Variants in PRKCQ observed in about 807,000 individuals in gnomAD.
The protein encoded by PRKCQ is protein kinase C theta.
In PRKCQ, 41 loss-of-function variants were observed where a neutral mutation model predicts 91.2. That is an observed-to-expected ratio of 0.45 (90% CI 0.35 to 0.58). The LOEUF (loss-of-function observed/expected upper bound fraction) is 0.58. PRKCQ is among the 20% of genes least tolerant of loss of function. The pLI is 0.00. For synonymous variants in PRKCQ, 307 were observed against 316.9 expected (o/e 0.97, Z 0.33); for missense variants, 673 against 896.5 (o/e 0.75, Z 3.18).
rs115521119 is a variant in PRKCQ at position 6,487,293 on chromosome 10, C to T, written c.791-1149G>A. Among the ~76,000 whole-genome samples the T allele has an allele frequency of 5.4e-3, 821 of 152,198 alleles. 7 individuals carry two copies. The highest frequency in any genetic ancestry group is 0.018 in the African/African-American group (768 of 41,528). On this transcript the variant is annotated intron_variant, in intron 8 of 17. Coordinates refer to ENST00000263125, the MANE Select transcript of PRKCQ (RefSeq NM_006257.5). ...CTACAACCTGTTATGAAAGGTAACT[C>T]GAAGAAAAAGAACCAAAGTTTTCTG...
At chr10:6,484,267 C>G (rs477840) in intron 10 of PRKCQ, among the ~76,000 whole-genome samples, 1 of 152,206 alleles carries the variant, frequency 6.6e-6, no homozygotes, top group Non-Finnish European at 1.5e-5. Context: ...ACAAAGAATT[C>G]GCTGGGTGCG....
intron 14 of PRKCQ, 53 bp from the exon 15 acceptor site, chr10:6,456,865 C>A: frequency 6.3e-7 from 1 of 1,585,426 alleles, no homozygotes; most frequent in Non-Finnish European, 8.6e-7. Flanking sequence ...ATTTGGTTAA[C>A]ATAAAATTCC....
chr10:6,432,713 G>A (rs1190481925), intron 16 of PRKCQ, among the ~76,000 whole-genome samples: 2 of 152,050 alleles, frequency 1.3e-5, no homozygotes, highest in East Asian at 3.9e-4. Context: ...TGACATCCTC[G>A]GGTCCTCGGC....
intron 1 of PRKCQ, among the ~76,000 whole-genome samples, chr10:6,572,876 T>C (rs1841095211): frequency 6.6e-6 from 1 of 152,220 alleles, no homozygotes; most frequent in Admixed American, 6.5e-5. Flanking sequence ...TTCCTATTTC[T>C]CTGCAACTTT....
chr10:6,510,899 T>C, intron 3 of PRKCQ, 96 bp downstream of exon 3: 1 of 1,451,124 alleles, frequency 6.9e-7, no homozygotes, highest in Non-Finnish European at 9.6e-7. Flanking sequence ...CCGAGGCCAG[T>C]GTAATCACAC....
intron 12 of PRKCQ, among the ~76,000 whole-genome samples, chr10:6,478,750 AAAAAACAG>A (rs1836411363): frequency 6.6e-6 from 1 of 152,362 alleles, no homozygotes; most frequent in African/African-American, 2.4e-5. Context: ...ACCAAATTCT[AAAAAACAG>A]GAAAACAGAC....
chr10:6,399,792 G>A, the PRKCQ span, among the ~76,000 whole-genome samples: 75 of 146,996 alleles, frequency 5.1e-4, no homozygotes, highest in South Asian at 1.0e-3. Context: ...TGATGAAAAA[G>A]TTCTCCAGGC....
chr10:6,442,234 C>A (rs975823150), intron 15 of PRKCQ, among the ~76,000 whole-genome samples, 153 bp from the exon 16 acceptor site: 2 of 152,184 alleles, frequency 1.3e-5, no homozygotes, highest in Non-Finnish European at 2.9e-5. Flanking sequence ...AAGCCAATGA[C>A]TGGAGAGCAG....
At chr10:6,440,750 A>G (rs1189768782) in intron 16 of PRKCQ, among the ~76,000 whole-genome samples, 1 of 152,180 alleles carries the variant, frequency 6.6e-6, no homozygotes, top group African/African-American at 2.4e-5. Context: ...GCACTTTGGG[A>G]GGCCGAGGCG....
At chr10:6,488,023 A>G (rs1289909400) in intron 8 of PRKCQ, among the ~76,000 whole-genome samples, 1 of 146,556 alleles carries the variant, frequency 6.8e-6, no homozygotes, top group Non-Finnish European at 1.5e-5. Flanking sequence ...AAAAAAAAAG[A>G]AACATCACCA....
At chr10:6,555,907 G>A (rs757929627) in intron 1 of PRKCQ, among the ~76,000 whole-genome samples, 2 of 152,142 alleles carry the variant, frequency 1.3e-5, no homozygotes, top group Non-Finnish European at 2.9e-5. Flanking sequence ...TACTGGGGAA[G>A]CTGATGCAGG....
At chr10:6,485,084 G>A in intron 10 of PRKCQ, 68 bp downstream of exon 10, 1 of 1,364,782 alleles carries the variant, frequency 7.3e-7, no homozygotes, top group South Asian at 1.2e-5. Context: ...TTAAATCCAA[G>A]GGCATTAGGT....
chr10:6,511,219 A>C, intron 2 of PRKCQ, 25 bp from the exon 3 acceptor site: 12 of 1,604,570 alleles, frequency 7.5e-6, no homozygotes, highest in African/African-American at 1.3e-5. Context: ...GTAAGGTCTC[A>C]TTATTCCTTC....
chr10:6,502,543 T>G (rs1375395567), intron 4 of PRKCQ, among the ~76,000 whole-genome samples: 1 of 152,180 alleles, frequency 6.6e-6, no homozygotes, highest in Admixed American at 6.5e-5. Flanking sequence ...TTTGAACACT[T>G]TCCTGCAGAC....
intron 1 of PRKCQ, among the ~76,000 whole-genome samples, chr10:6,543,286 A>G (rs1453796581): frequency 6.6e-6 from 1 of 152,258 alleles, no homozygotes; most frequent in Non-Finnish European, 1.5e-5. Flanking sequence ...CGGAGCTGAA[A>G]ACAAAATACT....
chr10:6,445,118 T>A (rs141146764), intron 15 of PRKCQ, among the ~76,000 whole-genome samples: 33,150 of 68,054 alleles, frequency 0.49, 4,696 homozygotes, highest in East Asian at 0.55. Flanking sequence ...AGCAAGACTC[T>A]GTCAAAAAAA....
intron 11 of PRKCQ, among the ~76,000 whole-genome samples, chr10:6,481,975 TCTTC>T (rs1836622372): frequency 1.3e-5 from 2 of 151,644 alleles, no homozygotes; most frequent in African/African-American, 2.4e-5. Flanking sequence ...AATTATCTCT[TCTTC>T]CTTCTTCTCA....
rs181389025 is a variant in PRKCQ at position 6,466,380 on chromosome 10, T to C, written c.1354-1976A>G. ...GGGGGGGTTGAATTGGCCATTAAAGTCTAAGAGATCACAGGGCACAGTCAG... is the reference window on the plus strand; with the variant it reads ...GGGGGGGTTGAATTGGCCATTAAAGCCTAAGAGATCACAGGGCACAGTCAG... On this transcript the variant is annotated intron_variant, in intron 12 of 17. Coordinates refer to ENST00000263125, the MANE Select transcript of PRKCQ (RefSeq NM_006257.5). Among the ~76,000 whole-genome samples the C allele has an allele frequency of 3.9e-5, 6 of 152,244 alleles. No homozygotes were observed. In the East Asian group the frequency reaches 1.2e-3, roughly 29 times the overall value.
chr10:6,402,442 T>C, the PRKCQ span, among the ~76,000 whole-genome samples: 1 of 146,708 alleles, frequency 6.8e-6, no homozygotes, highest in Non-Finnish European at 1.5e-5. Flanking sequence ...ACGCCTACCA[T>C]GTGTGAAGCA....
Sources: allele counts gnomAD v4.1 joint callset (sites outside exome capture counted in the v4.1 genomes callset), GRCh38; gene constraint gnomAD v4.1.1; transcripts MANE v1.5; gene names NCBI Gene and HGNC (gene_info 2026-07-23, HGNC 2026-07-21).